Variants in EYS observed in about 807,000 individuals in gnomAD.
EYS encodes protein eyes shut homolog.
Under a neutral mutation model 282.1 loss-of-function variants are expected in EYS, and 250 were observed. The observed-to-expected ratio is 0.89, with a 90% CI of 0.80 to 0.98. The LOEUF is 0.98. Among genes scored for constraint, EYS ranks in the 50% least tolerant of loss-of-function variants. The probability of loss-of-function intolerance (pLI) is 0.00; values close to 1 mark genes in which losing one functional copy is unlikely to be tolerated. For missense variants in EYS, 4,016 were observed against 3,709.0 expected, an observed-to-expected ratio of 1.08 and a Z score of -2.15; for synonymous variants, 1,355 against 1,282.9, an observed-to-expected ratio of 1.06 and a Z score of -1.20.
intron 2 of EYS, among the ~76,000 whole-genome samples, chr6:65,609,781 T>G (rs1475294160): frequency 6.6e-6 from 1 of 152,312 alleles, no homozygotes; most frequent in Non-Finnish European, 1.5e-5. Flanking sequence ...ATGCATAATA[T>G]GAATATGTAT....
At chr6:65,172,429 T>C (rs922929225) in intron 12 of EYS, among the ~76,000 whole-genome samples, 2 of 151,374 alleles carry the variant, frequency 1.3e-5, no homozygotes, top group African/African-American at 4.8e-5. Flanking sequence ...CATATGCAGG[T>C]TCCCAAAGCC....
At chr6:65,288,532 C>T (rs529690507) in intron 12 of EYS, among the ~76,000 whole-genome samples, 1 of 150,656 alleles carries the variant, frequency 6.6e-6, no homozygotes, top group Non-Finnish European at 1.5e-5. Flanking sequence ...TTAAAATTGA[C>T]CTCCTACCAT....
At chr6:64,670,443 A>AAATAAATG (rs1228847622) in intron 22 of EYS, among the ~76,000 whole-genome samples, 9 of 132,986 alleles carry the variant, frequency 6.8e-5, no homozygotes, top group African/African-American at 2.1e-4. Flanking sequence ...ATAAATAAAT[A>AAATAAATG]AATGAAAAAA....
chr6:64,792,907 T>A (rs1223344696), intron 22 of EYS, among the ~76,000 whole-genome samples: 2 of 112,936 alleles, frequency 1.8e-5, no homozygotes, highest in Non-Finnish European at 4.2e-5. Flanking sequence ...AGAGCTTTAG[T>A]AATTATAACT....
chr6:64,203,655 G>T (rs1304664530), intron 31 of EYS, among the ~76,000 whole-genome samples: 1 of 152,092 alleles, frequency 6.6e-6, no homozygotes, highest in Non-Finnish European at 1.5e-5. Flanking sequence ...GATGGAAAAA[G>T]AAAAGGAGGG....
chr6:65,334,645 TTTTGTAG>T (rs1769913891), intron 11 of EYS, among the ~76,000 whole-genome samples: 1 of 151,850 alleles, frequency 6.6e-6, no homozygotes, highest in Non-Finnish European at 1.5e-5. Flanking sequence ...TGTTGTTGTT[TTTTGTAG>T]TTGCTTTGGA....
chr6:64,558,182 T>G (rs1315906916), intron 26 of EYS, among the ~76,000 whole-genome samples: 2 of 152,150 alleles, frequency 1.3e-5, no homozygotes, highest in Non-Finnish European at 2.9e-5. Flanking sequence ...TTTTTATACT[T>G]CAATTTAAGA....
intron 22 of EYS, among the ~76,000 whole-genome samples, chr6:64,764,094 T>C (rs1206370874): frequency 6.6e-6 from 1 of 152,290 alleles, no homozygotes. Flanking sequence ...TCTACCATTC[T>C]GGGGTGAGGA....
intron 31 of EYS, among the ~76,000 whole-genome samples, chr6:64,094,657 A>G (rs1299141922): frequency 3.3e-5 from 5 of 151,974 alleles, no homozygotes; most frequent in Non-Finnish European, 7.4e-5. Flanking sequence ...TTTCTTCTGT[A>G]TTAATCTTGC....
intron 8 of EYS, among the ~76,000 whole-genome samples, chr6:65,366,775 A>G (rs1487299347): frequency 6.6e-6 from 1 of 151,572 alleles, no homozygotes; most frequent in Non-Finnish European, 1.5e-5. Context: ...GCAAGACTGG[A>G]TTCTTCTGCA....
intron 26 of EYS, among the ~76,000 whole-genome samples, chr6:64,554,211 A>C (rs1383777211): frequency 1.3e-5 from 2 of 152,248 alleles, no homozygotes; most frequent in East Asian, 3.9e-4. Flanking sequence ...CATCTTAGCA[A>C]AATAAAACAA....
intron 35 of EYS, among the ~76,000 whole-genome samples, chr6:63,933,418 G>A (rs1764957833): frequency 6.6e-6 from 1 of 152,038 alleles, no homozygotes; most frequent in Admixed American, 6.5e-5. Context: ...TGTTGGCCAG[G>A]ATGGTCTCAA....
intron 22 of EYS, among the ~76,000 whole-genome samples, chr6:64,797,895 G>A (rs1774407312): frequency 1.3e-5 from 2 of 151,780 alleles, no homozygotes; most frequent in African/African-American, 2.4e-5. Flanking sequence ...GACATTCAGA[G>A]CTTCCTCAAT....
chr6:64,394,654 A>G (rs370991085), intron 28 of EYS, among the ~76,000 whole-genome samples: 53,714 of 149,382 alleles, frequency 0.36, 9,963 homozygotes, highest in African/African-American at 0.51. Context: ...AGACTTAAAC[A>G]TTAGACCTAA....
chr6:65,705,838 G>A (rs1349623638), intron 1 of EYS, among the ~76,000 whole-genome samples: 1 of 151,950 alleles, frequency 6.6e-6, no homozygotes, highest in African/African-American at 2.4e-5. Flanking sequence ...GTTAAAAACT[G>A]AGAATTATTT....
chr6:64,328,479 C>T (rs1361612384), intron 29 of EYS, among the ~76,000 whole-genome samples: 1 of 152,124 alleles, frequency 6.6e-6, no homozygotes, highest in East Asian at 1.9e-4. Flanking sequence ...CTGCCAGAAG[C>T]CAGATGAAAG....
chr6:64,568,978 T>C (rs1314403154), intron 26 of EYS, among the ~76,000 whole-genome samples: 3 of 103,196 alleles, frequency 2.9e-5, no homozygotes, highest in African/African-American at 1.1e-4. Context: ...CATCCAAAGG[T>C]CACCAGCATC....
intron 12 of EYS, among the ~76,000 whole-genome samples, chr6:65,179,060 C>G (rs1263498213): frequency 6.6e-6 from 1 of 152,032 alleles, no homozygotes; most frequent in Non-Finnish European, 1.5e-5. Context: ...ACATTCAAAG[C>G]AATGTGTAGA....
At chr6:64,652,449 A>C (rs1562113752) in intron 22 of EYS, among the ~76,000 whole-genome samples, 1 of 152,164 alleles carries the variant, frequency 6.6e-6, no homozygotes, top group Non-Finnish European at 1.5e-5. Flanking sequence ...ACCTGACAAA[A>C]AATGGAAACC....
Sources: gnomAD v4.1 joint callset for allele counts (sites outside exome capture counted in the v4.1 genomes callset) on GRCh38, gnomAD v4.1.1 for gene constraint, MANE v1.5 for transcripts, NCBI Gene and HGNC (gene_info 2026-07-23, HGNC 2026-07-21) for gene names.